DOCK3: variants seen among roughly 807,000 people sequenced by gnomAD.
The protein encoded by DOCK3 is dedicator of cytokinesis protein 3.
Under a neutral mutation model 265.6 loss-of-function variants are expected in DOCK3, and 60 were observed. That is an observed-to-expected ratio of 0.23 (90% confidence interval 0.18 to 0.28). The LOEUF is 0.28. Among genes scored for constraint, DOCK3 ranks in the 10% least tolerant of loss-of-function variants. The pLI is 1.00. For synonymous variants in DOCK3, 881 were observed against 938.0 expected (o/e 0.94, Z 1.11); for missense variants, 1,981 against 2,594.3 (o/e 0.76, Z 5.14).
chr3:51,006,893 G>A (rs923627704), intron 5 of DOCK3, among the ~76,000 whole-genome samples: 5 of 152,118 alleles, frequency 3.3e-5, no homozygotes, highest in Admixed American at 1.3e-4. Flanking sequence ...CTGTCCTTGC[G>A]ATAGTTTGCT....
In DOCK3 at chr3:51,357,767, G is replaced by C. The variant is rs770897417; in HGVS notation, c.4693G>C (p.Asp1565His). The C allele has an allele frequency of 6.2e-7, 1 of 1,613,948 alleles. No individual in the cohort carries two copies. Among genetic ancestry groups the C allele is most frequent in the South Asian group, 1.1e-5 (1 of 91,078 alleles). The part of the protein sequence containing the change: ...GIARYQEAFF[D>H]KDYINKHPGD... ...GCCTTTCCTTTCACAGGCCTTCTTT[G>C]ATAAAGATTACATCAACAAGCACCC... The change falls in exon 45 of 53, where the codon GAT becomes CAT. Residue 1565 changes from aspartate (D) to histidine (H), a missense_variant. By Grantham distance (81) the Asp-to-His change is moderately conservative. This residue lies in a region of DOCK3 where 1,357 missense variants were observed against 1,866.8 expected (regional missense o/e 0.73). Coordinates refer to ENST00000266037, the MANE Select transcript of DOCK3 (RefSeq NM_004947.5).
At chr3:50,951,289 T>C (rs2076585010) in intron 5 of DOCK3, among the ~76,000 whole-genome samples, 1 of 152,230 alleles carries the variant, frequency 6.6e-6, no homozygotes, top group African/African-American at 2.4e-5. Flanking sequence ...TAATAGTTGA[T>C]GGATGTACAA....
chr3:50,917,587 T>G (rs1006675827), intron 4 of DOCK3, among the ~76,000 whole-genome samples: 7 of 152,088 alleles, frequency 4.6e-5, no homozygotes, highest in African/African-American at 1.7e-4. Context: ...TTGTGTTTTT[T>G]AAAATTTTTC....
At chr3:50,936,666 G>GA (rs2051379057) in intron 5 of DOCK3, among the ~76,000 whole-genome samples, 1 of 151,846 alleles carries the variant, frequency 6.6e-6, no homozygotes, top group Admixed American at 6.6e-5. Flanking sequence ...ACTGCTTAAA[G>GA]AAAAAAACAA....
intron 10 of DOCK3, among the ~76,000 whole-genome samples, chr3:51,150,175 C>T (rs561503352): frequency 8.5e-5 from 13 of 152,210 alleles, no homozygotes; most frequent in African/African-American, 1.7e-4. Context: ...TCTGTAGGAT[C>T]GGTGACGATA....
chr3:50,831,234 T>C (rs1231529520), intron 2 of DOCK3, among the ~76,000 whole-genome samples: 3 of 151,288 alleles, frequency 2.0e-5, no homozygotes, highest in Non-Finnish European at 4.4e-5. Flanking sequence ...TATTTTTAAT[T>C]TTTTTTATTT....
chr3:50,840,881 CTT>C (rs1229971420), intron 2 of DOCK3, among the ~76,000 whole-genome samples: 1 of 151,942 alleles, frequency 6.6e-6, no homozygotes, highest in Non-Finnish European at 1.5e-5. Context: ...AAAGTTGATT[CTT>C]TTTTTTCATA....
chr3:50,906,125 T>G (rs889349141), intron 4 of DOCK3, among the ~76,000 whole-genome samples: 2 of 152,030 alleles, frequency 1.3e-5, no homozygotes, highest in African/African-American at 2.4e-5. Flanking sequence ...ACTTGATCAT[T>G]TTGGATAAGC....
Position 51,294,755 on chromosome 3 carries a change from G to A in DOCK3, c.2922+14551G>A, listed in dbSNP as rs188730709. The stretch of plus-strand genomic sequence containing the variant: ...GAATGATGGTTACCAGAGGCTGGGG[G>A]TGGGGGCAGTAGATAGAGAAAGGGG... On this transcript the variant is annotated intron_variant, in intron 27 of 52. Transcript: ENST00000266037. Among the ~76,000 whole-genome samples, 35 of 151,994 alleles carry A rather than the reference G, an allele frequency of 2.3e-4. 1 individual carries two copies. The highest frequency in any genetic ancestry group is 7.5e-4 in the African/African-American group (31 of 41,444).
At chr3:51,341,581 G>T (rs1312492201) in intron 38 of DOCK3, among the ~76,000 whole-genome samples, 196 bp downstream of exon 38, 2 of 152,162 alleles carry the variant, frequency 1.3e-5, no homozygotes, top group African/African-American at 4.8e-5. Flanking sequence ...CTAATTCTGT[G>T]GCTTGAAAGC....
At chr3:50,756,306 T>A (rs2040160159) in intron 1 of DOCK3, among the ~76,000 whole-genome samples, 1 of 152,164 alleles carries the variant, frequency 6.6e-6, no homozygotes, top group African/African-American at 2.4e-5. Flanking sequence ...TTGAGTCTGC[T>A]CGCCCAATTC....
chr3:51,096,197 G>A (rs1453537512), intron 9 of DOCK3, among the ~76,000 whole-genome samples: 1 of 152,172 alleles, frequency 6.6e-6, no homozygotes, highest in Non-Finnish European at 1.5e-5. Context: ...CTAGGTTGGG[G>A]AAGTTCTCCT....
chr3:51,306,251 G>C (rs967313532), intron 27 of DOCK3, among the ~76,000 whole-genome samples: 1 of 152,020 alleles, frequency 6.6e-6, no homozygotes, highest in Non-Finnish European at 1.5e-5. Flanking sequence ...TATTTCTGCT[G>C]TCTGCCTTCT....
intron 6 of DOCK3, among the ~76,000 whole-genome samples, chr3:51,067,423 A>ACGTTTGTG (rs2081631990): frequency 2.8e-5 from 1 of 35,404 alleles, no homozygotes; most frequent in Non-Finnish European, 5.5e-5. Context: ...TCAATGAAAT[A>ACGTTTGTG]TGTTTGTGTG....
intron 2 of DOCK3, among the ~76,000 whole-genome samples, chr3:50,839,526 G>T (rs2045698312): frequency 6.6e-6 from 1 of 152,060 alleles, no homozygotes; most frequent in African/African-American, 2.4e-5. Flanking sequence ...CTGGATTTTG[G>T]CCATTGTGAT....
At chr3:51,264,935 A>C (rs981919089) in intron 23 of DOCK3, among the ~76,000 whole-genome samples, 1 of 152,084 alleles carries the variant, frequency 6.6e-6, no homozygotes, top group Non-Finnish European at 1.5e-5. Context: ...GAAAAGATTA[A>C]CAAAATAGAT....
chr3:51,195,446 G>T (rs948047712), intron 12 of DOCK3, among the ~76,000 whole-genome samples: 2 of 151,880 alleles, frequency 1.3e-5, no homozygotes, highest in East Asian at 3.9e-4. Flanking sequence ...ACAGAGTCTT[G>T]CTCTGTCACC....
chr3:50,719,474 C>A, intron 1 of DOCK3: 1 of 781,286 alleles, frequency 1.3e-6, no homozygotes, highest in South Asian at 1.6e-5. Flanking sequence ...AAGCACAAGT[C>A]AAATTTATTA....
intron 13 of DOCK3, among the ~76,000 whole-genome samples, chr3:51,211,550 C>G (rs999154040): frequency 2.0e-5 from 3 of 152,008 alleles, no homozygotes; most frequent in African/African-American, 7.3e-5. Context: ...GTGATGTTCC[C>G]CTTCCTGTGT....
Sources: gnomAD v4.1 joint callset for allele counts (sites outside exome capture counted in the v4.1 genomes callset) on GRCh38, gnomAD v4.1.1 for gene constraint, gnomAD v4.1.1 regional missense constraint, MANE v1.5 for transcripts, NCBI Gene and HGNC (gene_info 2026-07-23, HGNC 2026-07-21) for gene names.